The following GABRB1 variants were observed in gnomAD, a reference collection of about 807,000 sequenced individuals.
GABRB1 encodes the protein gamma-aminobutyric acid type A receptor subunit beta1.
GABRB1 carries 17 observed loss-of-function variants against 51.6 expected under a neutral mutation model. That is an observed-to-expected ratio of 0.33 (90% CI 0.23 to 0.49). GABRB1 has a LOEUF of 0.49. Ranked by LOEUF, GABRB1 falls within the 20% of genes least tolerant of loss-of-function variation. GABRB1 has a pLI of 0.99. For missense variants in GABRB1, 410 were observed against 600.6 expected (o/e 0.68, Z 3.32); for synonymous variants, 247 against 218.9 (o/e 1.13, Z -1.14).
At chr4:47,241,011 CT>C (rs1224676841) in intron 4 of GABRB1, among the ~76,000 whole-genome samples, 1 of 152,070 alleles carries the variant, frequency 6.6e-6, no homozygotes, top group East Asian at 1.9e-4. Context: ...AATATAGAAT[CT>C]TTTTTAAAAA....
At chr4:47,178,281 A>G (rs1185399094) in intron 4 of GABRB1, among the ~76,000 whole-genome samples, 1 of 152,106 alleles carries the variant, frequency 6.6e-6, no homozygotes, top group African/African-American at 2.4e-5. Flanking sequence ...CTCTGGGTTA[A>G]GAGTCTATCT....
chr4:47,092,721 T>C (rs1728378791), intron 3 of GABRB1, among the ~76,000 whole-genome samples: 1 of 151,414 alleles, frequency 6.6e-6, no homozygotes, highest in South Asian at 2.1e-4. Context: ...CAAGCAATTC[T>C]CTGCCTCAGC....
At chr4:47,296,700 C>T (rs1010384317) in intron 4 of GABRB1, among the ~76,000 whole-genome samples, 37 of 150,990 alleles carry the variant, frequency 2.5e-4, no homozygotes, top group African/African-American at 8.1e-4. Flanking sequence ...GACAGATCAA[C>T]GAGACAGAAA....
chr4:47,386,279 G>C (rs932782311), intron 5 of GABRB1, among the ~76,000 whole-genome samples: 3 of 152,118 alleles, frequency 2.0e-5, no homozygotes, highest in Non-Finnish European at 4.4e-5. Context: ...ATATTTAAGA[G>C]CTCTGTGTCA....
At chr4:47,251,080 G>C (rs1421839594) in intron 4 of GABRB1, among the ~76,000 whole-genome samples, 1 of 152,276 alleles carries the variant, frequency 6.6e-6, no homozygotes, top group African/African-American at 2.4e-5. Flanking sequence ...GGTAGGCTGT[G>C]TGAGAGGGAA....
chr4:47,046,546 T>C (rs1232973723), intron 3 of GABRB1, among the ~76,000 whole-genome samples: 1 of 152,026 alleles, frequency 6.6e-6, no homozygotes, highest in Non-Finnish European at 1.5e-5. Flanking sequence ...TGACCACTAA[T>C]GGCACCAAAA....
chr4:47,062,906 C>G (rs769783593), intron 3 of GABRB1, among the ~76,000 whole-genome samples: 1 of 152,200 alleles, frequency 6.6e-6, no homozygotes, highest in Non-Finnish European at 1.5e-5. Flanking sequence ...CCAAGCCATA[C>G]TATCCCTTCC....
At chr4:47,147,580 C>G (rs1414413599) in intron 3 of GABRB1, among the ~76,000 whole-genome samples, 1 of 152,098 alleles carries the variant, frequency 6.6e-6, no homozygotes, top group African/African-American at 2.4e-5. Flanking sequence ...CTAATTTCCA[C>G]ACAGAGCAAT....
chr4:47,053,099 G>C (rs1281828385), intron 3 of GABRB1, among the ~76,000 whole-genome samples: 1 of 152,114 alleles, frequency 6.6e-6, no homozygotes, highest in Non-Finnish European at 1.5e-5. Context: ...TAAAGGGAGA[G>C]GTGACATGGT....
chr4:47,127,913 GTTTAA>G (rs1716232726), intron 3 of GABRB1, among the ~76,000 whole-genome samples: 1 of 151,264 alleles, frequency 6.6e-6, no homozygotes, highest in African/African-American at 2.4e-5. Flanking sequence ...AACGCTAAAA[GTTTAA>G]TTTAACTAAA....
chr4:47,280,557 T>C (rs1186162120), intron 4 of GABRB1, among the ~76,000 whole-genome samples: 1 of 151,384 alleles, frequency 6.6e-6, no homozygotes, highest in African/African-American at 2.4e-5. Context: ...TCTGCATTTC[T>C]TATAAGGTAG....
intron 1 of GABRB1, among the ~76,000 whole-genome samples, chr4:47,003,793 A>T (rs958856786): frequency 6.6e-6 from 1 of 152,202 alleles, no homozygotes; most frequent in African/African-American, 2.4e-5. Flanking sequence ...TATTCTGCTG[A>T]TTTAATCTCT....
At chr4:47,322,617 T>C (rs1036824061) in intron 5 of GABRB1, among the ~76,000 whole-genome samples, 5 of 152,172 alleles carry the variant, frequency 3.3e-5, no homozygotes, top group African/African-American at 1.2e-4. Context: ...AGCCCAAGTG[T>C]TCTTCTCTTC....
rs1553884656 is a variant in GABRB1, at chr4:47,425,516, AGATC to A, written c.1081-149_1081-146del. Among the ~76,000 whole-genome samples, 1,172 of 149,536 alleles carry A rather than the reference AGATC, an allele frequency of 7.8e-3. 10 individuals are homozygous for A. Among genetic ancestry groups the A allele is most frequent in the African/African-American group, 0.022 (901 of 40,178 alleles). On this transcript the variant is annotated intron_variant, in intron 8 of 8. Transcript: ENST00000295454. ...TAGATAGATAGATAGATAGATAGATAGATCGATCGATCTATCTCCACATCAGGGA... is the reference window on the plus strand; with the variant it reads ...TAGATAGATAGATAGATAGATAGATAGATCGATCTATCTCCACATCAGGGA...
chr4:47,246,074 T>TCC (rs57849032), intron 4 of GABRB1, among the ~76,000 whole-genome samples: 151 of 145,942 alleles, frequency 1.0e-3, no homozygotes, highest in Non-Finnish European at 1.6e-3. Context: ...TCTCTCATTC[T>TCC]CCCCCCCCAA....
chr4:47,035,157 T>C (rs1441453780), intron 3 of GABRB1, among the ~76,000 whole-genome samples: 4 of 152,172 alleles, frequency 2.6e-5, no homozygotes, highest in Admixed American at 6.5e-5. Context: ...ATTTGAGAAC[T>C]AGGTTCCATT....
At chr4:47,284,620 G>A (rs1223817277) in intron 4 of GABRB1, among the ~76,000 whole-genome samples, 1 of 152,020 alleles carries the variant, frequency 6.6e-6, no homozygotes, top group South Asian at 2.1e-4. Context: ...GTGTTATATC[G>A]CTTTTCGTAA....
At chr4:47,387,158 AAATCAGCATCCAG>A (rs1228560053) in intron 5 of GABRB1, among the ~76,000 whole-genome samples, 3 of 152,198 alleles carry the variant, frequency 2.0e-5, no homozygotes, top group Non-Finnish European at 1.5e-5. Flanking sequence ...GAGGTTGAGC[AAATCAGCATCCAG>A]AAACAAAAAT....
intron 4 of GABRB1, among the ~76,000 whole-genome samples, chr4:47,185,027 A>G (rs952001444): frequency 3.3e-5 from 5 of 151,952 alleles, no homozygotes; most frequent in African/African-American, 9.6e-5. Context: ...AGCCACATAT[A>G]TCGGATTTCA....
Sources: allele counts gnomAD v4.1 joint callset (sites outside exome capture counted in the v4.1 genomes callset), GRCh38; gene constraint gnomAD v4.1.1; transcripts MANE v1.5; gene names NCBI Gene and HGNC (gene_info 2026-07-23, HGNC 2026-07-21).